DACH2: variants seen among roughly 807,000 people sequenced by gnomAD.
The protein encoded by DACH2 is dachshund family transcription factor 2.
Under a neutral mutation model 35.8 loss-of-function variants are expected in DACH2, and 17 were observed. The observed-to-expected ratio is 0.48, with a 90% CI of 0.33 to 0.71. DACH2 has a LOEUF of 0.71. DACH2 is among the 30% of genes least tolerant of loss of function. The probability of loss-of-function intolerance (pLI) is 0.02; values close to 1 mark genes in which losing one functional copy is unlikely to be tolerated. For synonymous variants in DACH2, 195 were observed against 177.3 expected, an observed-to-expected ratio of 1.10 and a Z score of -0.79; for missense variants, 469 against 472.7, an observed-to-expected ratio of 0.99 and a Z score of 0.07.
chrX:86,714,484 C>A, intron 5 of DACH2, 64 bp from the exon 6 acceptor site: 3 of 996,342 alleles, frequency 3.0e-6, no homozygotes, highest in Non-Finnish European at 4.0e-6. Context: ...AATTTAGGTA[C>A]TTTTTAACAA....
intron 1 of DACH2, among the ~76,000 whole-genome samples, chrX:86,179,860 T>A (rs1386144614): frequency 9.1e-6 from 1 of 109,824 alleles, no homozygotes; most frequent in East Asian, 2.9e-4. Context: ...AGCAGTCCTT[T>A]CTTTTTTCCT....
At chrX:86,348,761 C>T (rs187812758) in intron 1 of DACH2, among the ~76,000 whole-genome samples, 251 of 112,710 alleles carry the variant, frequency 2.2e-3, no homozygotes, top group African/African-American at 7.6e-3. Flanking sequence ...GTATTCCCCT[C>T]TTTAATGTTT....
intron 1 of DACH2, among the ~76,000 whole-genome samples, chrX:86,334,343 C>T (rs928343198): frequency 8.9e-6 from 1 of 112,066 alleles, no homozygotes; most frequent in South Asian, 3.7e-4. Flanking sequence ...CACTGTCTTC[C>T]ATGATGGTTG....
chrX:86,755,909 T>G (rs1262403729), intron 7 of DACH2, among the ~76,000 whole-genome samples: 2 of 110,969 alleles, frequency 1.8e-5, no homozygotes, highest in African/African-American at 3.3e-5. Context: ...CCTGATTTTT[T>G]TTATATGGTG....
At chrX:86,671,264 A>G (rs753734723) in intron 4 of DACH2, among the ~76,000 whole-genome samples, 15 of 112,250 alleles carry the variant, frequency 1.3e-4, no homozygotes, top group Non-Finnish European at 2.1e-4. Flanking sequence ...AGGTTGTATG[A>G]TAAAATCCAT....
At chrX:86,537,708 T>A (rs1207264851) in intron 3 of DACH2, among the ~76,000 whole-genome samples, 1 of 111,743 alleles carries the variant, frequency 8.9e-6, no homozygotes, top group African/African-American at 3.3e-5. Context: ...TGCTCTTAAA[T>A]TTACCTTCCA....
At chrX:86,338,400 T>A (rs1244786454) in intron 1 of DACH2, among the ~76,000 whole-genome samples, 4 of 111,758 alleles carry the variant, frequency 3.6e-5, no homozygotes, top group African/African-American at 1.3e-4. Flanking sequence ...GAACTCAGGA[T>A]TAAGAAGCTT....
chrX:86,464,052 A>G lies in DACH2; in HGVS notation c.528-50227A>G, dbSNP rs186167032. On this transcript the variant is annotated intron_variant, in intron 2 of 11. Coordinates refer to ENST00000373125, the MANE Select transcript of DACH2 (RefSeq NM_053281.3). ...CTGGAGAGGATGTGGAGAAATGGGA[A>G]TGCTTTTACACTGTTGGTGGGAGTG... Among the ~76,000 whole-genome samples, 10 of 111,699 alleles carry G rather than the reference A, an allele frequency of 9.0e-5. No individual in the cohort carries two copies. The East Asian group carries it at 2.8e-3, about 32-fold the overall frequency.
chrX:86,402,041 T>C (rs2036443139), intron 2 of DACH2, among the ~76,000 whole-genome samples: 2 of 111,753 alleles, frequency 1.8e-5, no homozygotes, highest in African/African-American at 6.5e-5. Context: ...TATCTAAAAA[T>C]AAAAGTGCCG....
At chrX:86,583,782 A>G (rs774331183) in intron 3 of DACH2, among the ~76,000 whole-genome samples, 1 of 107,968 alleles carries the variant, frequency 9.3e-6, no homozygotes, top group South Asian at 3.9e-4. Context: ...TGTGTGTGTG[A>G]GTGTGTGTGT....
At chrX:86,234,963 C>T (rs1218353321) in intron 1 of DACH2, among the ~76,000 whole-genome samples, 1 of 111,428 alleles carries the variant, frequency 9.0e-6, no homozygotes. Context: ...TTCAGAATTC[C>T]GTAGTTTTTA....
chrX:86,349,329 G>GT (rs113138869), intron 1 of DACH2, among the ~76,000 whole-genome samples: 2,866 of 111,849 alleles, frequency 0.026, 100 homozygotes, highest in African/African-American at 0.088. Context: ...GCCGGTACCT[G>GT]TTGGTGTGCT....
chrX:86,291,066 T>A (rs1302109994), intron 1 of DACH2, among the ~76,000 whole-genome samples: 1 of 101,959 alleles, frequency 9.8e-6, no homozygotes, highest in Non-Finnish European at 2.0e-5. Context: ...GCATGGAATG[T>A]TCTTCCATTT....
rs369255629 is a variant in DACH2 at position 86,296,966 on chromosome X, A to T, written c.489-79858A>T. 4.7e-4 allele frequency among the ~76,000 whole-genome samples: 51 copies of T among 108,445 alleles called. 1 individual carries two copies. In the East Asian group the frequency reaches 5.8e-3, roughly 12 times the overall value. 94.2% of individuals were successfully genotyped at this position (108,445 alleles called of 115,157 possible). Reference sequence around the variant, plus strand: ...TGTCATAACATACACATGCATGCACATATATGCAAACATACGTTTTCTGGC... The same window carrying T: ...TGTCATAACATACACATGCATGCACTTATATGCAAACATACGTTTTCTGGC... On this transcript the variant is annotated intron_variant, in intron 1 of 11. Transcript: ENST00000373125.
chrX:86,726,758 G>A (rs969856156), intron 6 of DACH2, among the ~76,000 whole-genome samples: 1 of 111,901 alleles, frequency 8.9e-6, no homozygotes, highest in Non-Finnish European at 1.9e-5. Context: ...TCTTCTATAA[G>A]CCAAGATTGC....
intron 3 of DACH2, among the ~76,000 whole-genome samples, chrX:86,612,661 T>C (rs1449744566): frequency 8.9e-6 from 1 of 112,320 alleles, no homozygotes. Flanking sequence ...CCACACCAGG[T>C]GGCTGCTGCC....
At chrX:86,600,045 G>T (rs1416491708) in intron 3 of DACH2, among the ~76,000 whole-genome samples, 1 of 111,323 alleles carries the variant, frequency 9.0e-6, no homozygotes, top group Non-Finnish European at 1.9e-5. Context: ...TCTTTTAGGA[G>T]ATATTGTAAC....
chrX:86,446,288 C>CTT (rs753958102), intron 2 of DACH2, among the ~76,000 whole-genome samples: 2,107 of 77,976 alleles, frequency 0.027, 83 homozygotes, highest in African/African-American at 0.092. Context: ...AGTCTTGTTT[C>CTT]TTTTTTTTTT....
intron 3 of DACH2, among the ~76,000 whole-genome samples, chrX:86,595,590 G>T (rs2039701031): frequency 9.0e-6 from 1 of 110,847 alleles, no homozygotes; most frequent in African/African-American, 3.3e-5. Flanking sequence ...GGGTATTTAA[G>T]TCATTGACTT....
Sources: allele counts gnomAD v4.1 joint callset (sites outside exome capture counted in the v4.1 genomes callset), GRCh38; gene constraint gnomAD v4.1.1; transcripts MANE v1.5; gene names NCBI Gene and HGNC (gene_info 2026-07-23, HGNC 2026-07-21).